The following USP33 variants were observed in gnomAD, a reference collection of about 807,000 sequenced individuals.
USP33 encodes ubiquitin specific peptidase 33.
Under a neutral mutation model 124.2 loss-of-function variants are expected in USP33, and 46 were observed. The ratio of observed to expected loss-of-function variants is 0.37; its 90% CI spans 0.29 to 0.47. The LOEUF is 0.47. Ranked by LOEUF, USP33 falls within the 20% of genes least tolerant of loss-of-function variation. The probability of loss-of-function intolerance (pLI) is 0.99; values close to 1 mark genes in which losing one functional copy is unlikely to be tolerated. For missense variants in USP33, 851 were observed against 1,070.6 expected (o/e 0.79, Z 2.86); for synonymous variants, 350 against 352.3 (o/e 0.99, Z 0.07).
chr1:77,732,241 A>T (rs1677909466), intron 7 of USP33, among the ~76,000 whole-genome samples: 2 of 152,082 alleles, frequency 1.3e-5, no homozygotes, highest in Non-Finnish European at 2.9e-5. Flanking sequence ...CAGTTCTCTT[A>T]TCACAGGTTT....
chr1:77,723,076 A>G (rs1440115006), intron 12 of USP33, among the ~76,000 whole-genome samples: 1 of 152,152 alleles, frequency 6.6e-6, no homozygotes, highest in Admixed American at 6.5e-5. Flanking sequence ...TCTCACCTTT[A>G]TATGTAACCA....
At chr1:77,734,257 G>A (rs952893956) in intron 7 of USP33, 90 bp downstream of exon 7, 1 of 956,432 alleles carries the variant, frequency 1.0e-6, no homozygotes, top group Non-Finnish European at 1.6e-6. Flanking sequence ...TCTACCTTGA[G>A]TTAGTCAACT....
rs1676780583 is a variant in USP33, at chr1:77,723,252, A to T, written c.1389+79T>A. The T allele has an allele frequency of 1.6e-5, 17 of 1,058,552 alleles. No individual in the cohort carries two copies. The South Asian group carries it at 1.9e-4, about 12-fold the overall frequency. The allele number at this position is 1,058,552 out of a possible 1,614,324, so 65.6% of individuals were successfully genotyped here. A position where few individuals can be genotyped will look rare whatever the true frequency, so the allele number is the denominator to read the frequency against. ...ATCAATAGCAAAGAGAAGGAATTAA[A>T]CTTTTCACATCATCTTGTCACATTT... On this transcript the variant is annotated intron_variant, in intron 12 of 23. Transcript: ENST00000370794.
In USP33 at chr1:77,718,020, T is replaced by A; in HGVS notation, c.1765A>T (p.Arg589Ter). 6.2e-7 allele frequency: 1 copy of A among 1,606,338 alleles called. No homozygotes were observed. The highest frequency in any genetic ancestry group is 8.5e-7 in the Non-Finnish European group (1 of 1,177,052). The stretch of plus-strand genomic sequence containing the variant: ...TTGGTGGAAAACATTAGTTCATGTC[T>A]GAATCTTTTAAGGTGGATGCACAAA... ...EILCIHLKRFRHELMFSTKIS... is the reference protein window; with the variant it reads ...EILCIHLKRF Residue 589 changes from arginine (R) to a stop codon, truncating the protein, a stop_gained, in exon 17 of 24, where the codon AGA (arginine) becomes TGA (stop). Coordinates refer to ENST00000370794, the MANE Select transcript of USP33 (RefSeq NM_201624.3). LOFTEE classifies it high-confidence loss of function.
rs531803691 is a variant in USP33, at chr1:77,701,794, C to T, written c.2407-323G>A. ...AAGTGATTCTCCAGCCTCAGCCTCC[C>T]GGGTAGCTAGGATTACAGGTGCCTG... On this transcript the variant is annotated intron_variant, in intron 21 of 23. Transcript: ENST00000370794. 4.3e-5 allele frequency: 8 copies of T among 184,950 alleles called. No homozygotes were observed. The South Asian group carries it at 1.0e-3, about 24-fold the overall frequency. The allele number at this position is 184,950 out of a possible 1,614,324, so 11.5% of individuals were successfully genotyped here. A position where few individuals can be genotyped will look rare whatever the true frequency, so the allele number is the denominator to read the frequency against.
chr1:77,702,419 T>C (rs1332312717), intron 21 of USP33, among the ~76,000 whole-genome samples: 1 of 152,186 alleles, frequency 6.6e-6, no homozygotes, highest in African/African-American at 2.4e-5. Flanking sequence ...ACTTTTTGTT[T>C]ACTTAAGATA....
chr1:77,713,295 TA>T lies in USP33; in HGVS notation c.2216-15del. 6.4e-7 allele frequency: 1 copy of T among 1,560,666 alleles called. No homozygotes were observed. Among genetic ancestry groups the T allele is most frequent in the Non-Finnish European group, 8.6e-7 (1 of 1,158,390 alleles). ...TTGGAGGAACACCTAAAAAAATATATAAACATATCTGTTTCATGCTTTTAAT... is the reference window on the plus strand; with the variant it reads ...TTGGAGGAACACCTAAAAAAATATATAACATATCTGTTTCATGCTTTTAAT... On this transcript the variant is annotated splice_polypyrimidine_tract_variant and intron_variant, in intron 19 of 23. Transcript: ENST00000370794.
At chr1:77,713,560 T>TC (rs1675521999) in intron 19 of USP33, 1 of 201,752 alleles carries the variant, frequency 5.0e-6, no homozygotes. Flanking sequence ...AACTTTTCTT[T>TC]TTTTTTTTTT....
intron 10 of USP33, 101 bp from the exon 11 acceptor site, chr1:77,725,863 A>C: frequency 9.0e-7 from 1 of 1,109,640 alleles, no homozygotes; most frequent in South Asian, 1.8e-5. Context: ...GAACACAATC[A>C]TATTAACAAA....
At chr1:77,697,652 G>T in intron 23 of USP33, 178 bp from the exon 24 acceptor site, 1 of 907,608 alleles carries the variant, frequency 1.1e-6, no homozygotes, top group East Asian at 2.7e-5. Flanking sequence ...GTCTTAAAAA[G>T]TCAGAGATGC....
intron 1 of USP33, among the ~76,000 whole-genome samples, chr1:77,743,470 T>A (rs533010620): frequency 6.6e-6 from 1 of 152,244 alleles, no homozygotes; most frequent in South Asian, 2.1e-4. Context: ...GGGTTAATAG[T>A]GCAAACATTT....
intron 5 of USP33, among the ~76,000 whole-genome samples, chr1:77,738,760 G>A (rs1678776611): frequency 2.6e-5 from 4 of 152,188 alleles, no homozygotes; most frequent in Non-Finnish European, 5.9e-5. Flanking sequence ...GATTACAGGC[G>A]TGAGCCACCG....
chr1:77,721,460 T>C (rs1676553062), intron 14 of USP33: 1 of 560,146 alleles, frequency 1.8e-6, no homozygotes, highest in South Asian at 2.3e-5. Flanking sequence ...GCCTGTCATA[T>C]GTCCAAGCAA....
rs535467550 is a variant in USP33, at chr1:77,711,244, G to A, written c.2406+503C>T. The stretch of plus-strand genomic sequence containing the variant: ...ATCCATAAAAGCAAAAACCCACAAA[G>A]GGGCCAGGAGCAGTGGCTCATGCCT... On this transcript the variant is annotated intron_variant, in intron 21 of 23. Transcript: ENST00000370794. Among the ~76,000 whole-genome samples the A allele has an allele frequency of 2.6e-5, 4 of 151,648 alleles. No individual in the cohort carries two copies. In the East Asian group the frequency reaches 7.7e-4, roughly 29 times the overall value.
chr1:77,741,814 A>T, intron 1 of USP33, 66 bp from the exon 2 acceptor site: 1 of 1,380,078 alleles, frequency 7.2e-7, no homozygotes, highest in Non-Finnish European at 9.7e-7. Context: ...AGATTCCAAA[A>T]AATAAAAAAA....
chr1:77,704,844 T>C (rs1674435731), intron 21 of USP33, among the ~76,000 whole-genome samples: 1 of 152,178 alleles, frequency 6.6e-6, no homozygotes, highest in African/African-American at 2.4e-5. Context: ...CAATCATACT[T>C]CACATGGTCT....
rs1191290738 is a variant in USP33 at position 77,735,251 on chromosome 1, C to A, written c.454+805G>T. ...AAACGAGCCATTGAATGACTGTTAT[C>A]TCTTCCATATATAGTCAAGTTCACT... On this transcript the variant is annotated intron_variant, in intron 6 of 23. Transcript: ENST00000370794. Among the ~76,000 whole-genome samples the A allele has an allele frequency of 2.0e-5, 3 of 152,298 alleles. No individual in the cohort carries two copies. In the East Asian group the frequency reaches 5.8e-4, roughly 29 times the overall value.
intron 21 of USP33, among the ~76,000 whole-genome samples, chr1:77,710,664 CAT>C (rs1427197994): frequency 6.6e-6 from 1 of 152,174 alleles, no homozygotes; most frequent in Admixed American, 6.5e-5. Context: ...TGTGTCTACA[CAT>C]GTGCAGGAAA....
intron 22 of USP33, 59 bp downstream of exon 22, chr1:77,701,310 C>A (rs1001759041): frequency 6.7e-5 from 83 of 1,241,500 alleles, no homozygotes; most frequent in Middle Eastern, 4.0e-4. Flanking sequence ...TCAAGAAATA[C>A]TTGTCAAACA....
Sources: allele counts gnomAD v4.1 joint callset (sites outside exome capture counted in the v4.1 genomes callset), GRCh38; gene constraint gnomAD v4.1.1; transcripts MANE v1.5; gene names NCBI Gene and HGNC (gene_info 2026-07-23, HGNC 2026-07-21).